Variants in DLG2 observed in about 807,000 individuals in gnomAD.
DLG2 encodes the protein disks large homolog 2.
Under a neutral mutation model 132.5 loss-of-function variants are expected in DLG2, and 45 were observed. That is an observed-to-expected ratio of 0.34 (90% CI 0.27 to 0.44). DLG2 has a LOEUF of 0.44. Among genes scored for constraint, DLG2 ranks in the 20% least tolerant of loss-of-function variants. DLG2 has a pLI of 1.00. For synonymous variants in DLG2, 424 were observed against 419.6 expected (o/e 1.01, Z -0.13); for missense variants, 1,045 against 1,196.9 (o/e 0.87, Z 1.87).
intron 7 of DLG2, among the ~76,000 whole-genome samples, chr11:84,257,953 C>T (rs1259654768): frequency 6.6e-6 from 1 of 152,150 alleles, no homozygotes; most frequent in African/African-American, 2.4e-5. Context: ...TCCCCAGATG[C>T]TGGGATTACA....
At chr11:84,907,089 G>A (rs1347850527) in intron 6 of DLG2, among the ~76,000 whole-genome samples, 1 of 152,180 alleles carries the variant, frequency 6.6e-6, no homozygotes, top group Admixed American at 6.5e-5. Context: ...CTGCTAACTG[G>A]AGATGTGGCA....
intron 7 of DLG2, among the ~76,000 whole-genome samples, chr11:84,276,324 G>A (rs145651580): frequency 6.6e-6 from 1 of 152,146 alleles, no homozygotes; most frequent in East Asian, 1.9e-4. Flanking sequence ...CAAATATTAC[G>A]TGTTTTGTAT....
chr11:83,789,375 C>A (rs1265722363), intron 17 of DLG2, among the ~76,000 whole-genome samples: 1 of 5,844 alleles, frequency 1.7e-4, no homozygotes. Context: ...AAGGACAGGG[C>A]GGGGCGGGAG....
intron 3 of DLG2, among the ~76,000 whole-genome samples, chr11:85,310,558 T>C (rs1565305227): frequency 6.6e-6 from 1 of 152,172 alleles, no homozygotes; most frequent in East Asian, 1.9e-4. Context: ...CCTACAGTAC[T>C]CTGCAGTGGT....
At chr11:85,069,480 A>C (rs897309468) in intron 6 of DLG2, among the ~76,000 whole-genome samples, 1 of 152,130 alleles carries the variant, frequency 6.6e-6, no homozygotes, top group African/African-American at 2.4e-5. Flanking sequence ...ACCCCATCAA[A>C]AAGTGGGCGA....
chr11:84,202,954 C>A (rs1013029908), intron 8 of DLG2, among the ~76,000 whole-genome samples: 1 of 151,960 alleles, frequency 6.6e-6, no homozygotes, highest in Non-Finnish European at 1.5e-5. Flanking sequence ...ATTTAAAAGT[C>A]AAACAACAAC....
chr11:84,010,513 G>C (rs1393821425), intron 11 of DLG2, among the ~76,000 whole-genome samples: 1 of 151,774 alleles, frequency 6.6e-6, no homozygotes, highest in Non-Finnish European at 1.5e-5. Context: ...TGTTGCCTAG[G>C]CTGGTCTTGA....
At chr11:83,918,128 G>C (rs2077230134) in intron 15 of DLG2, among the ~76,000 whole-genome samples, 1 of 152,178 alleles carries the variant, frequency 6.6e-6, no homozygotes. Context: ...CCTAGGGAAA[G>C]AGAGAGGGCT....
chr11:83,767,313 A>T (rs2094186442), intron 18 of DLG2, among the ~76,000 whole-genome samples: 1 of 152,182 alleles, frequency 6.6e-6, no homozygotes, highest in Non-Finnish European at 1.5e-5. Context: ...AATGTGTGTC[A>T]TGGTAGTAAT....
At chr11:85,422,253 T>A (rs572414708) in intron 3 of DLG2, among the ~76,000 whole-genome samples, 4 of 152,336 alleles carry the variant, frequency 2.6e-5, no homozygotes, top group African/African-American at 7.2e-5. Flanking sequence ...CCAGGAAAAT[T>A]TTCCTTGATT....
intron 10 of DLG2, among the ~76,000 whole-genome samples, chr11:84,064,698 A>G (rs113170802): frequency 2.0e-4 from 30 of 152,332 alleles, no homozygotes; most frequent in African/African-American, 7.2e-4. Context: ...TAAAGAGACT[A>G]TAGTGAGGGA....
chr11:85,458,054 T>C (rs1336064360), intron 3 of DLG2, among the ~76,000 whole-genome samples: 1 of 152,244 alleles, frequency 6.6e-6, no homozygotes, highest in Non-Finnish European at 1.5e-5. Context: ...TTTCTCTCCA[T>C]CTCTTTCAGG....
intron 7 of DLG2, among the ~76,000 whole-genome samples, chr11:84,336,628 CT>C (rs1439474280): frequency 1.3e-5 from 2 of 152,178 alleles, no homozygotes; most frequent in Non-Finnish European, 2.9e-5. Flanking sequence ...CTCTCTTCCT[CT>C]GGTGGGCCAT....
chr11:83,802,041 A>G (rs575299293), intron 17 of DLG2, among the ~76,000 whole-genome samples: 1 of 151,968 alleles, frequency 6.6e-6, no homozygotes, highest in African/African-American at 2.4e-5. Context: ...TCACTGAATC[A>G]GCATCTTTGA....
At chr11:84,809,632 A>C (rs774937895) in intron 6 of DLG2, among the ~76,000 whole-genome samples, 2 of 151,984 alleles carry the variant, frequency 1.3e-5, no homozygotes, top group Non-Finnish European at 2.9e-5. Flanking sequence ...ATTATCAATC[A>C]ACATGTGGAC....
At chr11:84,363,895 C>T (rs1286821155) in intron 7 of DLG2, among the ~76,000 whole-genome samples, 1 of 152,054 alleles carries the variant, frequency 6.6e-6, no homozygotes, top group Non-Finnish European at 1.5e-5. Flanking sequence ...CAGTACCATG[C>T]TGTTTTGGTT....
chr11:84,734,604 C>A (rs913460745), intron 6 of DLG2, among the ~76,000 whole-genome samples: 1 of 152,174 alleles, frequency 6.6e-6, no homozygotes. Flanking sequence ...TTGACTTCCT[C>A]TTTTCCCAAT....
intron 6 of DLG2, 127 bp from the exon 7 acceptor site, chr11:84,534,858 G>A: frequency 1.8e-6 from 2 of 1,111,294 alleles, no homozygotes; most frequent in South Asian, 2.5e-5. Context: ...TCACCAAATG[G>A]GCTTTGCTGC....
intron 18 of DLG2, among the ~76,000 whole-genome samples, chr11:83,699,718 CAT>C (rs1279641152): frequency 2.2e-5 from 3 of 138,382 alleles, no homozygotes; most frequent in Non-Finnish European, 4.6e-5. Flanking sequence ...TAAAAAAAAA[CAT>C]AATAATAATT....
Sources: gnomAD v4.1 joint callset for allele counts (sites outside exome capture counted in the v4.1 genomes callset) on GRCh38, gnomAD v4.1.1 for gene constraint, MANE v1.5 for transcripts, NCBI Gene and HGNC (gene_info 2026-07-23, HGNC 2026-07-21) for gene names.